UPB1: variants seen among roughly 807,000 people sequenced by gnomAD.
UPB1 encodes the protein beta-ureidopropionase.
Under a neutral mutation model 49.1 loss-of-function variants are expected in UPB1, and 40 were observed. That is an observed-to-expected ratio of 0.81 (90% CI 0.63 to 1.06). UPB1 has a LOEUF of 1.06. UPB1 is among the 50% of genes least tolerant of loss of function. UPB1 has a pLI of 0.00. For missense variants in UPB1, 499 were observed against 505.9 expected (o/e 0.99, Z 0.13); for synonymous variants, 207 against 198.2 (o/e 1.04, Z -0.38).
Position 24,500,211 on chromosome 22 carries a change from G to A in UPB1, c.209G>A (p.Arg70His), listed in dbSNP as rs121908066. 21 of 1,614,096 alleles carry A rather than the reference G, an allele frequency of 1.3e-5. No homozygotes were observed. The highest frequency in any genetic ancestry group is 1.2e-4 in the South Asian group (11 of 91,092). ...EAAEEQLRRP[R>H]IVHVGLVQNR... Reference sequence around the variant, plus strand: ...GCGGAGGAGCAGCTGAGACGACCCCGCATTGTGCACGTGGGGCTGGTTCAG... The same window carrying A: ...GCGGAGGAGCAGCTGAGACGACCCCACATTGTGCACGTGGGGCTGGTTCAG... The change falls in exon 2 of 10, where the codon CGC (arginine) becomes CAC (histidine). Residue 70 changes from arginine to histidine, a missense_variant. By Grantham distance (29) the Arg-to-His change is conservative. Coordinates refer to ENST00000326010, the MANE Select transcript of UPB1 (RefSeq NM_016327.3).
In UPB1 at chr22:24,495,438, G is replaced by A. The variant is rs772271954; in HGVS notation, c.35G>A (p.Cys12Tyr). ...GCTGAGTGGAAGTCGCTGGAGGAAT[G>A]CTTGGAGAAGCACCTGCCGCTCCCC... ...AGAEWKSLEE[C>Y]LEKHLPLPDL... The change falls in exon 1 of 10, where the codon TGC (cysteine) becomes TAC (tyrosine). Residue 12 changes from cysteine (C) to tyrosine (Y), a missense_variant. Cys to Tyr is a radical substitution (Grantham distance 194). Transcript: ENST00000326010. The A allele has an allele frequency of 3.7e-6, 6 of 1,613,704 alleles. No homozygotes were observed. The highest frequency in any genetic ancestry group is 5.1e-6 in the Non-Finnish European group (6 of 1,180,038).
At position 24,505,760 on chromosome 22, in the gene UPB1, T is replaced by C. The variant is rs2044078425; in HGVS notation, c.364+3547T>C. On this transcript the variant is annotated intron_variant, in intron 3 of 9. Coordinates refer to ENST00000326010, the MANE Select transcript of UPB1 (RefSeq NM_016327.3). ...TGGAGTCTTGGTCTGTCACCCAGGCTGGAGGGCAGTGGCGCGATCTCAGCT... is the reference window on the plus strand; with the variant it reads ...TGGAGTCTTGGTCTGTCACCCAGGCCGGAGGGCAGTGGCGCGATCTCAGCT... Among the ~76,000 whole-genome samples the C allele has an allele frequency of 2.0e-5, 3 of 152,300 alleles. No homozygotes were observed. The South Asian group carries it at 6.2e-4, about 32-fold the overall frequency.
At position 24,515,281 on chromosome 22, in the gene UPB1, C is replaced by T. The variant is rs74883165; in HGVS notation, c.702C>T (p.Tyr234=). 1,151 of 1,614,166 alleles carry T rather than the reference C, an allele frequency of 7.1e-4. 5 individuals are homozygous for T. In the African/African-American group the frequency reaches 0.012, roughly 16 times the overall value. ...GAAGGATCGCGGTGAACATTTGCTACGGGCGGCACCACCCCCTCAACTGGC... is the reference window on the plus strand; with the variant it reads ...GAAGGATCGCGGTGAACATTTGCTATGGGCGGCACCACCCCCTCAACTGGC... ...QFGRIAVNIC[Y]GRHHPLNWLM... The change falls in exon 6 of 10, where the codon TAC becomes TAT. Residue 234 remains tyrosine (Y), a synonymous_variant. Transcript: ENST00000326010.
intron 3 of UPB1, among the ~76,000 whole-genome samples, chr22:24,509,598 C>CA (rs1215532795): frequency 1.3e-5 from 2 of 152,086 alleles, no homozygotes; most frequent in Non-Finnish European, 2.9e-5. Context: ...GGGGGGGTCC[C>CA]AGTGCCATCC....
intron 6 of UPB1, among the ~76,000 whole-genome samples, chr22:24,516,928 C>G (rs967075264): frequency 3.3e-5 from 5 of 152,038 alleles, no homozygotes; most frequent in East Asian, 1.9e-4. Flanking sequence ...GTTTCACCGT[C>G]TTAGCCAGGA....
rs2043855001 is a variant in UPB1, at chr22:24,495,567, G to T, written c.104+60G>T. On this transcript the variant is annotated intron_variant, in intron 1 of 9. Coordinates refer to ENST00000326010, the MANE Select transcript of UPB1 (RefSeq NM_016327.3). ...GGGGCCACAGAGTGTGGGTCTGGGG[G>T]AGCAGGCAGGGAGGGCCTCAGGGTC... The T allele has an allele frequency of 2.5e-6, 4 of 1,586,878 alleles. No individual in the cohort carries two copies. The Admixed American group carries it at 5.0e-5, about 20-fold the overall frequency.
At chr22:24,500,550 G>A (rs1033421241) in intron 2 of UPB1, among the ~76,000 whole-genome samples, 9 of 152,208 alleles carry the variant, frequency 5.9e-5, no homozygotes, top group South Asian at 2.1e-4. Context: ...TTTACCAACC[G>A]GGAGGGTGCC....
chr22:24,521,835 G>A (rs2044398588), intron 7 of UPB1, 151 bp from the exon 8 acceptor site: 10 of 793,580 alleles, frequency 1.3e-5, no homozygotes, highest in African/African-American at 5.1e-5. Context: ...TTAATTGCCC[G>A]GTGAGTACAG....
In UPB1 at chr22:24,527,555, G is replaced by A. The variant is rs2044491631; in HGVS notation, c.*1761G>A. 6.6e-6 allele frequency: 1 copy of A among 152,124 alleles called. No homozygotes were observed. The highest frequency in any genetic ancestry group is 2.4e-5 in the African/African-American group (1 of 41,418). The allele number at this position is 152,124 out of a possible 1,614,324, so 9.4% of individuals were successfully genotyped here. A position where few individuals can be genotyped will look rare whatever the true frequency, so the allele number is the denominator to read the frequency against. On this transcript the variant is annotated 3_prime_UTR_variant, in exon 10 of 10. Coordinates refer to ENST00000326010, the MANE Select transcript of UPB1 (RefSeq NM_016327.3). ...AGAGTATCGGGTTGGAGGTGGGGTT[G>A]AGATTCTGTAATTCCCCGCTTATTG...
At chr22:24,508,430 G>T (rs1044981613) in intron 3 of UPB1, among the ~76,000 whole-genome samples, 1 of 151,910 alleles carries the variant, frequency 6.6e-6, no homozygotes, top group African/African-American at 2.4e-5. Context: ...GTGGTGGCGG[G>T]CACCTGTAAT....
At chr22:24,516,488 G>A (rs2044295357) in intron 6 of UPB1, 1 of 152,222 alleles carries the variant, frequency 6.6e-6, no homozygotes, top group East Asian at 1.9e-4. Context: ...AGGAATTTAT[G>A]TGCAAATACT....
chr22:24,499,515 A>G (rs1261994903), intron 1 of UPB1, among the ~76,000 whole-genome samples: 6 of 152,190 alleles, frequency 3.9e-5, no homozygotes, highest in Non-Finnish European at 8.8e-5. Flanking sequence ...CTTCCATCTG[A>G]ACACCTGGGC....
intron 7 of UPB1, among the ~76,000 whole-genome samples, 155 bp downstream of exon 7, chr22:24,520,623 G>GT (rs1270407110): frequency 2.6e-5 from 4 of 152,122 alleles, no homozygotes; most frequent in African/African-American, 4.8e-5. Flanking sequence ...CTGTCCTCCT[G>GT]TTTTTTCTGT....
chr22:24,498,737 G>A (rs542010691), intron 1 of UPB1, among the ~76,000 whole-genome samples: 211 of 152,272 alleles, frequency 1.4e-3, no homozygotes, highest in South Asian at 3.7e-3. Flanking sequence ...CACCCAAGAC[G>A]AGCTCTTCAC....
At chr22:24,504,067 G>A (rs982852667) in intron 3 of UPB1, among the ~76,000 whole-genome samples, 2 of 152,230 alleles carry the variant, frequency 1.3e-5, no homozygotes, top group Non-Finnish European at 2.9e-5. Flanking sequence ...CTGGTCACGG[G>A]TTGGACAGAC....
chr22:24,495,792 C>T (rs1194894607), intron 1 of UPB1, among the ~76,000 whole-genome samples: 1 of 152,166 alleles, frequency 6.6e-6, no homozygotes, highest in Non-Finnish European at 1.5e-5. Flanking sequence ...GTGGCCATCC[C>T]AACCCTCCTC....
Position 24,495,412 on chromosome 22 carries a change from C to T in UPB1, c.9C>T (p.Gly3=), listed in dbSNP as rs201559029. The T allele has an allele frequency of 5.6e-5, 91 of 1,613,178 alleles. No individual in the cohort carries two copies. Among genetic ancestry groups the T allele is most frequent in the Non-Finnish European group, 6.4e-5 (76 of 1,180,010 alleles). ...ACTGGCGGACCGTGGCCATGGCGGG[C>T]GCTGAGTGGAAGTCGCTGGAGGAAT... The part of the protein sequence containing the change: MA[G]AEWKSLEECL... Residue 3 remains glycine, a synonymous_variant, in exon 1 of 10, where the codon GGC becomes GGT. Coordinates refer to ENST00000326010, the MANE Select transcript of UPB1 (RefSeq NM_016327.3).
At chr22:24,510,679 G>C (rs2044182085) in intron 3 of UPB1, 70 bp from the exon 4 acceptor site, 2 of 1,511,876 alleles carry the variant, frequency 1.3e-6, no homozygotes, top group Non-Finnish European at 1.8e-6. Flanking sequence ...ACTTCCCGCT[G>C]CTGGGCTGAG....
chr22:24,499,987 C>T (rs2043961249), intron 1 of UPB1, 120 bp from the exon 2 acceptor site: 5 of 1,519,272 alleles, frequency 3.3e-6, no homozygotes, highest in Non-Finnish European at 4.5e-6. Flanking sequence ...CACTGAGCGC[C>T]TTCTAGCCAG....
Sources: allele counts gnomAD v4.1 joint callset (sites outside exome capture counted in the v4.1 genomes callset), GRCh38; gene constraint gnomAD v4.1.1; transcripts MANE v1.5; gene names NCBI Gene and HGNC (gene_info 2026-07-23, HGNC 2026-07-21).